The following RTN2 variants were observed in gnomAD, a reference collection of about 807,000 sequenced individuals.
RTN2 encodes the protein reticulon-2.
RTN2 carries 36 observed loss-of-function variants against 63.7 expected under a neutral mutation model. The observed-to-expected ratio is 0.56, with a 90% CI of 0.43 to 0.75. The LOEUF (loss-of-function observed/expected upper bound fraction) is 0.75, where lower values mean the gene tolerates loss of function less well. Among genes scored for constraint, RTN2 ranks in the 30% least tolerant of loss-of-function variants. The pLI, the probability that RTN2 is intolerant of heterozygous loss-of-function variation, is 0.00. For missense variants in RTN2, 673 were observed against 705.1 expected, an observed-to-expected ratio of 0.95 and a Z score of 0.52; for synonymous variants, 312 against 313.0, an observed-to-expected ratio of 1.00 and a Z score of 0.03.
At chr19:45,495,326 T>C (rs1202933838) in intron 1 of RTN2, 187 bp from the exon 2 acceptor site, 3 of 663,000 alleles carry the variant, frequency 4.5e-6, no homozygotes, top group Non-Finnish European at 7.7e-6. Flanking sequence ...CCAGGAATCT[T>C]AATCTTAGAG....
At chr19:45,485,848 G>T in intron 10 of RTN2, 59 bp from the exon 11 acceptor site, 1 of 1,397,110 alleles carries the variant, frequency 7.2e-7, no homozygotes, top group Non-Finnish European at 1.0e-6. Flanking sequence ...TGGGCATCTG[G>T]GGACAACGGG....
At position 45,494,400 on chromosome 19, in the gene RTN2, G is replaced by C; in HGVS notation, c.580C>G (p.Leu194Val). 1 of 1,613,372 alleles carries C rather than the reference G, an allele frequency of 6.2e-7. No homozygotes were observed. The highest frequency in any genetic ancestry group is 2.2e-5 in the East Asian group (1 of 44,850). The part of the protein sequence containing the change: ...AGEELDLRLR[L>V]AQPSSPEVLT... The stretch of plus-strand genomic sequence containing the variant: ...ACCTCGGGCGATGAGGGCTGAGCAA[G>C]TCGGAGTCGTAGGTCCAGTTCTGAT... The change falls in exon 4 of 11, where the codon CTT (leucine) becomes GTT (valine). Residue 194 changes from leucine to valine, a missense_variant. By Grantham distance (32) the Leu-to-Val change is conservative. Transcript: ENST00000245923. The surrounding 1 kb of genome is among the most constrained non-coding windows in gnomAD (Gnocchi z 5.3).
At chr19:45,490,801 T>G (rs1361630565) in intron 5 of RTN2, among the ~76,000 whole-genome samples, 2 of 151,964 alleles carry the variant, frequency 1.3e-5, no homozygotes, top group Non-Finnish European at 2.9e-5. Flanking sequence ...GGTCTCGAAC[T>G]CCTGACCTCA....
In RTN2 at chr19:45,493,363, C is replaced by A. The variant is rs1968203394; in HGVS notation, c.830G>T (p.Trp277Leu). The A allele has an allele frequency of 6.2e-7, 1 of 1,606,932 alleles. No individual in the cohort carries two copies. The highest frequency in any genetic ancestry group is 1.3e-5 in the African/African-American group (1 of 74,368). The change falls in exon 5 of 11, where the codon TGG becomes TTG. Residue 277 changes from tryptophan to leucine, a missense_variant. Physicochemically the swap from Trp to Leu is moderately conservative, Grantham distance 61 (BLOSUM62 -2). Transcript: ENST00000245923. Reference protein sequence around the residue: ...EPRLLGTAMEWLKTSLLLAVY... With the variant: ...EPRLLGTAMELLKTSLLLAVY... ...AGCCAAAAGCAATGATGTCTTTAAC[C>A]ATTCCATAGCTGTTCCTGGAGGCGG...
intron 6 of RTN2, 38 bp from the exon 7 acceptor site, chr19:45,489,024 GAC>G (rs1242555245): frequency 3.7e-6 from 6 of 1,600,404 alleles, no homozygotes; most frequent in Non-Finnish European, 5.1e-6. Context: ...CTCAGTGGGT[GAC>G]CAGCTCAGAC....
At chr19:45,488,400 C>T (rs895937007) in intron 9 of RTN2, 71 bp downstream of exon 9, 14 of 1,532,120 alleles carry the variant, frequency 9.1e-6, no homozygotes, top group South Asian at 3.6e-5. Flanking sequence ...AATGGGACCC[C>T]GGTTCTGGAA....
In RTN2 at chr19:45,491,267, C is replaced by T. The variant is rs147035555; in HGVS notation, c.1034-1714G>A. 8.5e-4 allele frequency among the ~76,000 whole-genome samples: 129 copies of T among 151,722 alleles called. 4 individuals carry two copies. The East Asian group carries it at 0.021, about 24-fold the overall frequency. ...CTGGAGTGCAGTGGCGTGATCATGG[C>T]TCACTACAGCCTCTACCTCCCAGAG... On this transcript the variant is annotated intron_variant, in intron 5 of 10. Coordinates refer to ENST00000245923, the MANE Select transcript of RTN2 (RefSeq NM_005619.5).
At chr19:45,493,835 C>A in intron 4 of RTN2, 1 of 314,680 alleles carries the variant, frequency 3.2e-6, no homozygotes, top group South Asian at 3.3e-5. Context: ...CCTCTGCCTT[C>A]CAGGTTCAAG....
rs759936921 is a variant in RTN2 at position 45,494,484 on chromosome 19, C to T, written c.559+42G>A. On this transcript the variant is annotated intron_variant, in intron 3 of 10. Coordinates refer to ENST00000245923, the MANE Select transcript of RTN2 (RefSeq NM_005619.5). The surrounding 1 kb of genome is among the most constrained non-coding windows in gnomAD (Gnocchi z 5.3). ...TGGAGGTGCCCCAAGGAGAAACCAC[C>T]CACCCCTCTTGGCTTTGGTCCCAGC... 2 of 1,604,248 alleles carry T rather than the reference C, an allele frequency of 1.2e-6. No individual in the cohort carries two copies. The highest frequency in any genetic ancestry group is 2.2e-5 in the East Asian group (1 of 44,688).
At chr19:45,487,089 C>G (rs1420148335) in intron 9 of RTN2, among the ~76,000 whole-genome samples, 1 of 120,668 alleles carries the variant, frequency 8.3e-6, no homozygotes, top group Non-Finnish European at 1.6e-5. Flanking sequence ...GTTGCCCAGG[C>G]TGGAGTGCAG....
chr19:45,486,121 G>A lies in RTN2; in HGVS notation c.1498-8C>T. 2 of 1,613,690 alleles carry A rather than the reference G, an allele frequency of 1.2e-6. No homozygotes were observed. Among genetic ancestry groups the A allele is most frequent in the South Asian group, 2.2e-5 (2 of 91,026 alleles). On this transcript the variant is annotated splice_polypyrimidine_tract_variant and splice_region_variant and intron_variant, in intron 9 of 10. Coordinates refer to ENST00000245923, the MANE Select transcript of RTN2 (RefSeq NM_005619.5). ...ATATTGGTCGATCTGAGCCTGGGGA[G>A]ACCAAAGAAAGGTGAAAGAAGGGAT...
chr19:45,495,062 C>T (rs758700011), intron 2 of RTN2, 33 bp downstream of exon 2: 39 of 1,614,052 alleles, frequency 2.4e-5, no homozygotes, highest in Non-Finnish European at 3.1e-5. Flanking sequence ...GCTGCCCAGC[C>T]CTGAGCCCCT....
At chr19:45,485,900 C>T in intron 10 of RTN2, 111 bp from the exon 11 acceptor site, 1 of 1,166,000 alleles carries the variant, frequency 8.6e-7, no homozygotes, top group Non-Finnish European at 1.3e-6. Context: ...GAAGCCAGCT[C>T]CTGCCCTCCA....
chr19:45,489,306 G>A (rs1022880283), intron 6 of RTN2, 40 bp downstream of exon 6: 7 of 1,532,704 alleles, frequency 4.6e-6, no homozygotes, highest in South Asian at 2.4e-5. Flanking sequence ...ATGCTTTAGG[G>A]TCAGGACAGG....
In RTN2 at chr19:45,485,363, C is replaced by G. The variant is rs1360253784; in HGVS notation, c.*345G>C. On this transcript the variant is annotated 3_prime_UTR_variant, in exon 11 of 11. Coordinates refer to ENST00000245923, the MANE Select transcript of RTN2 (RefSeq NM_005619.5). ...CTCCCCTGGGCCCCATGCAAAGCCC[C>G]GGCGTTGGGGCTAGTAGCATCCAGG... 2 of 285,620 alleles carry G rather than the reference C, an allele frequency of 7.0e-6. No homozygotes were observed. Among genetic ancestry groups the G allele is most frequent in the African/African-American group, 2.1e-5 (1 of 46,708 alleles). The allele number at this position is 285,620 out of a possible 1,614,324, so 17.7% of individuals were successfully genotyped here. A position where few individuals can be genotyped will look rare whatever the true frequency, so the allele number is the denominator to read the frequency against.
chr19:45,495,041 C>T (rs951532490), intron 2 of RTN2, 36 bp from the exon 3 acceptor site: 1 of 1,614,158 alleles, frequency 6.2e-7, no homozygotes, highest in African/African-American at 1.3e-5. Context: ...TTTCCCTCAG[C>T]AGGTCCCTGA....
chr19:45,487,583 G>GTTTTTTTTTTTTT (rs4031036), intron 9 of RTN2, among the ~76,000 whole-genome samples: 2 of 105,754 alleles, frequency 1.9e-5, no homozygotes, highest in African/African-American at 3.7e-5. Flanking sequence ...TTATTTTTTG[G>GTTTTTTTTTTTTT]TTTTTTTTTT....
intron 5 of RTN2, among the ~76,000 whole-genome samples, chr19:45,490,643 C>G (rs949632589): frequency 6.6e-6 from 1 of 151,852 alleles, no homozygotes; most frequent in Non-Finnish European, 1.5e-5. Context: ...ATGGCACAAT[C>G]TTGGCTCACT....
chr19:45,496,725 G>A (rs1968279497), intron 1 of RTN2, 67 bp downstream of exon 1: 8 of 1,132,982 alleles, frequency 7.1e-6, no homozygotes, highest in South Asian at 5.6e-5. Context: ...AGCGCCGAGG[G>A]GACACCGGGG....
Sources: allele counts gnomAD v4.1 joint callset (sites outside exome capture counted in the v4.1 genomes callset), GRCh38; gene constraint gnomAD v4.1.1; non-coding constraint Gnocchi (gnomAD v3.1); transcripts MANE v1.5; gene names NCBI Gene and HGNC (gene_info 2026-07-23, HGNC 2026-07-21).